Variants in FBXW8 observed in about 807,000 individuals in gnomAD.
FBXW8 encodes F-box/WD repeat-containing protein 8.
FBXW8 carries 57 observed loss-of-function variants against 65.3 expected under a neutral mutation model. The observed-to-expected ratio is 0.87, with a 90% CI of 0.71 to 1.09. The LOEUF (loss-of-function observed/expected upper bound fraction) is 1.09. Among genes scored for constraint, FBXW8 ranks in the 50% least tolerant of loss-of-function variants. FBXW8 has a pLI of 0.00. For missense variants in FBXW8, 777 were observed against 814.8 expected (o/e 0.95, Z 0.57); for synonymous variants, 308 against 330.2 (o/e 0.93, Z 0.73).
chr12:117,011,315 C>T (rs1031282580), intron 8 of FBXW8, among the ~76,000 whole-genome samples: 1 of 152,026 alleles, frequency 6.6e-6, no homozygotes, highest in Non-Finnish European at 1.5e-5. Flanking sequence ...AGATCCCAGG[C>T]CTCTGTCCCG....
Position 116,965,224 on chromosome 12 carries a change from T to C in FBXW8, c.835+370T>C, listed in dbSNP as rs80273309. 4.4e-3 allele frequency among the ~76,000 whole-genome samples: 675 copies of C among 152,310 alleles called. 6 individuals carry two copies. Among genetic ancestry groups the C allele is most frequent in the African/African-American group, 0.015 (635 of 41,556 alleles). On this transcript the variant is annotated intron_variant, in intron 5 of 10. Transcript: ENST00000652555. ...CCTCTGCTCAGCCCAAAGGGAATAG[T>C]GAAAAGGGGATAGACATAGGTCATC...
intron 8 of FBXW8, among the ~76,000 whole-genome samples, chr12:117,020,200 A>G (rs1261825429): frequency 1.3e-5 from 2 of 152,188 alleles, no homozygotes; most frequent in African/African-American, 4.8e-5. Flanking sequence ...CGTGTCACCT[A>G]CGTCATTCCA....
chr12:116,919,258 T>C (rs1253328669), intron 1 of FBXW8, among the ~76,000 whole-genome samples: 1 of 152,228 alleles, frequency 6.6e-6, no homozygotes, highest in Middle Eastern at 3.2e-3. Context: ...TAAAGTCTTG[T>C]TTCTTTTAAC....
At chr12:117,005,648 G>C (rs1211919410) in intron 7 of FBXW8, among the ~76,000 whole-genome samples, 1 of 152,222 alleles carries the variant, frequency 6.6e-6, no homozygotes, top group Non-Finnish European at 1.5e-5. Flanking sequence ...CGTGCAGACA[G>C]CAAGGACTGT....
chr12:116,932,343 A>C (rs891694383), intron 2 of FBXW8, among the ~76,000 whole-genome samples: 4 of 152,196 alleles, frequency 2.6e-5, no homozygotes, highest in Non-Finnish European at 5.9e-5. Context: ...CTTCAAGAGC[A>C]AGGGTTTGCA....
At chr12:116,926,422 C>A (rs941135723) in intron 1 of FBXW8, among the ~76,000 whole-genome samples, 2 of 152,174 alleles carry the variant, frequency 1.3e-5, no homozygotes, top group Non-Finnish European at 2.9e-5. Flanking sequence ...ATGAAAGTTT[C>A]TTCGTGAGTG....
chr12:117,026,636 AGCACTT>A (rs1954237725), intron 9 of FBXW8, among the ~76,000 whole-genome samples: 1 of 149,778 alleles, frequency 6.7e-6, no homozygotes, highest in Non-Finnish European at 1.5e-5. Flanking sequence ...TGCTCCTCCC[AGCACTT>A]AACTCTGGGT....
At position 116,911,145 on chromosome 12, in the gene FBXW8, T is replaced by G; in HGVS notation, c.108T>G (p.Ala36=). Residue 36 remains alanine, a synonymous_variant, in exon 1 of 11, where the codon GCT becomes GCG. Coordinates refer to ENST00000652555, the MANE Select transcript of FBXW8 (RefSeq NM_153348.3). ...RRRPEAAERR[A]RRPEVGSGRG... is the part of the protein sequence containing the mutation. Reference sequence around the variant, plus strand: ...GGCCCGAGGCTGCCGAGAGGCGGGCTCGGCGGCCGGAGGTGGGCTCCGGGC... The same window carrying G: ...GGCCCGAGGCTGCCGAGAGGCGGGCGCGGCGGCCGGAGGTGGGCTCCGGGC... The G allele has an allele frequency of 7.4e-7, 1 of 1,348,932 alleles. No individual in the cohort carries two copies. The highest frequency in any genetic ancestry group is 4.1e-5 in the Admixed American group (1 of 24,612). The allele number at this position is 1,348,932 out of a possible 1,614,324, so 83.6% of individuals were successfully genotyped here. A position where few individuals can be genotyped will look rare whatever the true frequency, so the allele number is the denominator to read the frequency against.
At chr12:116,940,493 C>CT (rs35452609) in intron 2 of FBXW8, among the ~76,000 whole-genome samples, 75,804 of 137,224 alleles carry the variant, frequency 0.55, 23,870 homozygotes, top group Admixed American at 0.7. Flanking sequence ...GGATGGTGGG[C>CT]TTTTTTTTTT....
Position 117,024,229 on chromosome 12 carries a change from G to A in FBXW8, c.1450G>A (p.Asp484Asn), listed in dbSNP as rs779019930. The A allele has an allele frequency of 1.1e-5, 18 of 1,614,102 alleles. No homozygotes were observed. The South Asian group carries it at 1.4e-4, about 13-fold the overall frequency. ...HQLRVSAVQM[D>N]DWKIVSGGEE... is the part of the protein sequence containing the mutation. ...GCTCAGGGTCTCTGCTGTGCAGATG[G>A]ATGACTGGAAGATCGTCAGTGGAGG... The change falls in exon 9 of 11, where the codon GAT (aspartate) becomes AAT (asparagine). Residue 484 changes from aspartate (D) to asparagine (N), a missense_variant. Asp to Asn is a conservative substitution (Grantham distance 23). Transcript: ENST00000652555.
intron 4 of FBXW8, among the ~76,000 whole-genome samples, chr12:116,953,327 G>C (rs574298530): frequency 2.6e-5 from 4 of 152,322 alleles, no homozygotes; most frequent in East Asian, 3.9e-4. Context: ...CTGGGTGTGC[G>C]TGAGTGGAGC....
intron 8 of FBXW8, 141 bp downstream of exon 8, chr12:117,010,591 G>A (rs1953783302): frequency 9.3e-7 from 1 of 1,075,520 alleles, no homozygotes; most frequent in South Asian, 1.5e-5. Flanking sequence ...AAACACTCTA[G>A]ACTCAGAGAA....
intron 9 of FBXW8, among the ~76,000 whole-genome samples, chr12:117,024,975 C>T (rs889382284): frequency 2.6e-5 from 4 of 152,148 alleles, no homozygotes; most frequent in Admixed American, 6.5e-5. Context: ...GGTAGGTTTA[C>T]GCCAGTGGCA....
intron 4 of FBXW8, among the ~76,000 whole-genome samples, chr12:116,959,199 G>A (rs890478231): frequency 1.7e-4 from 26 of 152,308 alleles, no homozygotes; most frequent in Admixed American, 9.8e-4. Flanking sequence ...TTGGCTTCTC[G>A]CCTTCCAGTT....
At chr12:116,957,626 ATACT>A (rs1184339822) in intron 4 of FBXW8, among the ~76,000 whole-genome samples, 1 of 152,160 alleles carries the variant, frequency 6.6e-6, no homozygotes, top group Non-Finnish European at 1.5e-5. Flanking sequence ...TTGCCCATAT[ATACT>A]TACTAAGGAC....
chr12:116,970,666 C>T (rs1172220821), intron 5 of FBXW8, among the ~76,000 whole-genome samples: 1 of 152,198 alleles, frequency 6.6e-6, no homozygotes, highest in African/African-American at 2.4e-5. Flanking sequence ...CTGATGATGA[C>T]ATTTGGATGT....
intron 1 of FBXW8, among the ~76,000 whole-genome samples, chr12:116,924,361 G>A (rs1198128601): frequency 1.3e-5 from 2 of 152,100 alleles, no homozygotes; most frequent in African/African-American, 4.8e-5. Context: ...TGTATACAAT[G>A]TATATTGACC....
intron 7 of FBXW8, among the ~76,000 whole-genome samples, chr12:117,008,772 G>A (rs1014091937): frequency 7.2e-5 from 11 of 152,244 alleles, no homozygotes; most frequent in African/African-American, 2.7e-4. Context: ...TGTGTGCTGA[G>A]AGGAGAAATC....
rs1299042088 is a variant in FBXW8 at position 117,030,988 on chromosome 12, A to G, written c.*2816A>G. On this transcript the variant is annotated 3_prime_UTR_variant, in exon 11 of 11. Coordinates refer to ENST00000652555, the MANE Select transcript of FBXW8 (RefSeq NM_153348.3). ...TTTAGTCCCTCTCAGGGACGCCTCC[A>G]TCCCCGGCTCCCCTAAAGGTAGAAG... is the stretch of plus-strand genomic sequence containing the variant. 1.3e-5 allele frequency: 2 copies of G among 152,078 alleles called. No homozygotes were observed. The highest frequency in any genetic ancestry group is 1.9e-4 in the East Asian group (1 of 5,192). 9.4% of individuals were successfully genotyped at this position (152,078 alleles called of 1,614,324 possible).
Sources: gnomAD v4.1 joint callset for allele counts (sites outside exome capture counted in the v4.1 genomes callset) on GRCh38, gnomAD v4.1.1 for gene constraint, MANE v1.5 for transcripts, NCBI Gene and HGNC (gene_info 2026-07-23, HGNC 2026-07-21) for gene names.